The following TMEM132D variants were observed in gnomAD, a reference collection of about 807,000 sequenced individuals.
TMEM132D encodes transmembrane protein 132D.
TMEM132D carries 21 observed loss-of-function variants against 62.3 expected under a neutral mutation model. The ratio of observed to expected loss-of-function variants is 0.34; its 90% confidence interval spans 0.24 to 0.49. The LOEUF is 0.49. Among genes scored for constraint, TMEM132D ranks in the 20% least tolerant of loss-of-function variants. The probability of loss-of-function intolerance (pLI) is 0.99; values close to 1 mark genes in which losing one functional copy is unlikely to be tolerated. For synonymous variants in TMEM132D, 621 were observed against 575.6 expected (o/e 1.08, Z -1.13); for missense variants, 1,346 against 1,402.8 (o/e 0.96, Z 0.65).
chr12:129,710,191 T>C (rs1486737783), intron 1 of TMEM132D, among the ~76,000 whole-genome samples: 6 of 152,246 alleles, frequency 3.9e-5, no homozygotes, highest in Admixed American at 3.9e-4. Flanking sequence ...ATAATAGTTG[T>C]ATCCACCTGG....
chr12:129,691,698 T>G (rs1463532176), intron 2 of TMEM132D, among the ~76,000 whole-genome samples: 1 of 152,112 alleles, frequency 6.6e-6, no homozygotes. Flanking sequence ...ATTGTATTCA[T>G]AAACCATAAT....
intron 3 of TMEM132D, among the ~76,000 whole-genome samples, chr12:129,468,719 T>C (rs1255895006): frequency 6.6e-6 from 1 of 152,238 alleles, no homozygotes; most frequent in Non-Finnish European, 1.5e-5. Context: ...TTTCTGTCTC[T>C]CTACTTCGTA....
intron 3 of TMEM132D, among the ~76,000 whole-genome samples, chr12:129,392,894 A>G (rs1871325630): frequency 6.6e-6 from 1 of 152,194 alleles, no homozygotes; most frequent in Non-Finnish European, 1.5e-5. Flanking sequence ...GACAAGACCC[A>G]TCGAGGATGC....
At chr12:129,363,508 C>A (rs1181785916) in intron 3 of TMEM132D, among the ~76,000 whole-genome samples, 4 of 152,182 alleles carry the variant, frequency 2.6e-5, no homozygotes, top group Non-Finnish European at 5.9e-5. Context: ...TCTCAACTCC[C>A]ATCTGATATG....
chr12:129,207,605 G>C (rs1173420840), intron 5 of TMEM132D, among the ~76,000 whole-genome samples: 2 of 152,266 alleles, frequency 1.3e-5, no homozygotes, highest in African/African-American at 4.8e-5. Flanking sequence ...TCCTGTTACA[G>C]GAGTGGCCGA....
intron 2 of TMEM132D, among the ~76,000 whole-genome samples, chr12:129,664,842 C>A (rs772617242): frequency 6.6e-6 from 1 of 152,058 alleles, no homozygotes; most frequent in Non-Finnish European, 1.5e-5. Context: ...ATCACCCAAC[C>A]CCTGGACACA....
intron 2 of TMEM132D, among the ~76,000 whole-genome samples, chr12:129,605,626 C>T (rs77459088): frequency 3.8e-4 from 38 of 101,266 alleles, no homozygotes; most frequent in Middle Eastern, 0.011. Context: ...TATATATACA[C>T]ACACACACAC....
chr12:129,613,289 A>C (rs1422287798), intron 2 of TMEM132D, among the ~76,000 whole-genome samples: 1 of 152,130 alleles, frequency 6.6e-6, no homozygotes, highest in African/African-American at 2.4e-5. Context: ...CCTAAATATT[A>C]TAAGAGATAA....
chr12:129,359,425 T>G (rs1317068113), intron 3 of TMEM132D, among the ~76,000 whole-genome samples: 1 of 152,222 alleles, frequency 6.6e-6, no homozygotes, highest in Admixed American at 6.5e-5. Flanking sequence ...ATTTCAAGTC[T>G]TTTCAAGTCA....
Position 129,209,459 on chromosome 12 carries a change from C to T in TMEM132D, c.1443+61G>A, listed in dbSNP as rs1878959157. 1.9e-6 allele frequency: 3 copies of T among 1,600,202 alleles called. No individual in the cohort carries two copies. The Admixed American group carries it at 5.1e-5, about 27-fold the overall frequency. ...AGGTCCCAGAGGTCCCAAGCTGGTC[C>T]AGGAGCACAGAAGCTGACATGACAG... On this transcript the variant is annotated intron_variant, in intron 5 of 8. Coordinates refer to ENST00000422113, the MANE Select transcript of TMEM132D (RefSeq NM_133448.3).
At chr12:129,770,011 G>T (rs1197490172) in intron 1 of TMEM132D, among the ~76,000 whole-genome samples, 4 of 151,926 alleles carry the variant, frequency 2.6e-5, no homozygotes, top group African/African-American at 7.3e-5. Context: ...TGGAGATGGG[G>T]GTCTTGATTT....
In TMEM132D at chr12:129,502,600, G is replaced by GT. The variant is rs550671877; in HGVS notation, c.1115+28458dup. 2.8e-3 allele frequency among the ~76,000 whole-genome samples: 429 copies of GT among 152,010 alleles called. 10 individuals are homozygous for GT. Among genetic ancestry groups the GT allele is most frequent in the Admixed American group, 0.024 (363 of 15,260 alleles). On this transcript the variant is annotated intron_variant, in intron 3 of 8. Coordinates refer to ENST00000422113, the MANE Select transcript of TMEM132D (RefSeq NM_133448.3). Reference sequence around the variant, plus strand: ...CTCTCTTTTAATTTGTCTTTCCTCTGTGAGTACCCTTTTCAGGCAGAGAGC... The same window carrying GT: ...CTCTCTTTTAATTTGTCTTTCCTCTGTTGAGTACCCTTTTCAGGCAGAGAGC...
intron 3 of TMEM132D, among the ~76,000 whole-genome samples, chr12:129,462,509 G>A (rs1485010199): frequency 6.6e-6 from 1 of 152,116 alleles, no homozygotes; most frequent in East Asian, 1.9e-4. Context: ...ACAGTGCTTA[G>A]GACAGGATTT....
At chr12:129,385,753 AAC>A (rs1298704561) in intron 3 of TMEM132D, among the ~76,000 whole-genome samples, 1 of 152,220 alleles carries the variant, frequency 6.6e-6, no homozygotes, top group African/African-American at 2.4e-5. Flanking sequence ...TCAGAAGGCA[AAC>A]AATATCTTCT....
chr12:129,095,513 G>T (rs925650996), intron 5 of TMEM132D, among the ~76,000 whole-genome samples: 1 of 151,952 alleles, frequency 6.6e-6, no homozygotes, highest in Non-Finnish European at 1.5e-5. Context: ...CACCACAACC[G>T]GCTAATTTTT....
intron 4 of TMEM132D, among the ~76,000 whole-genome samples, chr12:129,252,596 C>G (rs1880297879): frequency 6.6e-6 from 1 of 152,164 alleles, no homozygotes; most frequent in Admixed American, 6.5e-5. Context: ...GTTGGTGGGA[C>G]TGTAAACTAG....
chr12:129,903,647 T>C lies in TMEM132D; in HGVS notation c.-308A>G. 2 of 273,018 alleles carry C rather than the reference T, an allele frequency of 7.3e-6. No individual in the cohort carries two copies. Among genetic ancestry groups the C allele is most frequent in the Non-Finnish European group, 1.4e-5 (2 of 145,332 alleles). 16.9% of individuals were successfully genotyped at this position (273,018 alleles called of 1,614,324 possible). A position where few individuals can be genotyped will look rare whatever the true frequency, so the allele number is the denominator to read the frequency against. On this transcript the variant is annotated 5_prime_UTR_variant, in exon 1 of 9. Coordinates refer to ENST00000422113, the MANE Select transcript of TMEM132D (RefSeq NM_133448.3). The surrounding 1 kb of genome is among the most constrained non-coding windows in gnomAD (Gnocchi z 6.2). ...TCCACAGGGGGTATTTCCTTTCCTG[T>C]TTACCCGAGCGAAGAGTGGCCCCCG...
chr12:129,340,313 T>C (rs1422849686), intron 3 of TMEM132D, among the ~76,000 whole-genome samples: 1 of 144,782 alleles, frequency 6.9e-6, no homozygotes, highest in Non-Finnish European at 1.5e-5. Flanking sequence ...TTCTTTTTCT[T>C]TTTTTTTATT....
chr12:129,367,777 C>CTTTTTTTTTTTT (rs60004106), intron 3 of TMEM132D, among the ~76,000 whole-genome samples: 5 of 122,298 alleles, frequency 4.1e-5, no homozygotes, highest in Admixed American at 1.7e-4. Flanking sequence ...CATTTCTTTT[C>CTTTTTTTTTTTT]TTTTTTTTTT....
Sources: allele counts gnomAD v4.1 joint callset (sites outside exome capture counted in the v4.1 genomes callset), GRCh38; gene constraint gnomAD v4.1.1; non-coding constraint Gnocchi (gnomAD v3.1); transcripts MANE v1.5; gene names NCBI Gene and HGNC (gene_info 2026-07-23, HGNC 2026-07-21).